Variants in C1QTNF6 observed in about 807,000 individuals in gnomAD.
The protein encoded by C1QTNF6 is C1q and TNF related 6.
In C1QTNF6, 17 loss-of-function variants were observed where a neutral mutation model predicts 20.7. The ratio of observed to expected loss-of-function variants is 0.82; its 90% CI spans 0.56 to 1.23. The LOEUF (loss-of-function observed/expected upper bound fraction) is 1.23. Ranked by LOEUF, C1QTNF6 falls within the 50% of genes most tolerant of loss-of-function variation. The probability of loss-of-function intolerance (pLI) is 0.00; values close to 1 mark genes in which losing one functional copy is unlikely to be tolerated. For missense variants in C1QTNF6, 329 were observed against 389.7 expected, an observed-to-expected ratio of 0.84 and a Z score of 1.31; for synonymous variants, 130 against 156.3, an observed-to-expected ratio of 0.83 and a Z score of 1.25.
At chr22:37,187,030 A>C (rs997651033) in intron 1 of C1QTNF6, among the ~76,000 whole-genome samples, 2 of 152,188 alleles carry the variant, frequency 1.3e-5, no homozygotes, top group Non-Finnish European at 2.9e-5. Context: ...AGTCTGGGCA[A>C]CATAGTGAGA....
At chr22:37,183,482 C>T (rs946955256) in intron 2 of C1QTNF6, among the ~76,000 whole-genome samples, 2 of 152,248 alleles carry the variant, frequency 1.3e-5, no homozygotes, top group African/African-American at 2.4e-5. Context: ...CAGCCCTGCC[C>T]GGCCCTTAGT....
At chr22:37,190,433 C>T (rs2145777123), upstream of C1QTNF6, 1 of 152,288 alleles carries the variant, frequency 6.6e-6, no homozygotes, top group Middle Eastern at 3.4e-3. Context: ...AGATAAATTC[C>T]TCTCCTCTTG....
intron 1 of C1QTNF6, chr22:37,186,069 G>A (rs1924308217): frequency 1.0e-6 from 1 of 985,432 alleles, no homozygotes. Flanking sequence ...AGATAAGAGA[G>A]TTCATTGATC....
intron 2 of C1QTNF6, among the ~76,000 whole-genome samples, chr22:37,183,791 C>G (rs142600839): frequency 7.2e-5 from 11 of 152,324 alleles, no homozygotes; most frequent in African/African-American, 2.4e-4. Flanking sequence ...AGACCTTGTG[C>G]AGGAAGTTTG....
upstream of C1QTNF6, chr22:37,188,266 AC>A: frequency 1.4e-6 from 2 of 1,426,616 alleles, no homozygotes; most frequent in Non-Finnish European, 9.3e-7. Context: ...GCTGGCCCAG[AC>A]CCCCAGGCCC....
Position 37,181,211 on chromosome 22 carries a change from A to T in C1QTNF6, c.*977T>A, listed in dbSNP as rs1221730449. ...GCTGGACTGGCCAGTCACTGAGGGC[A>T]GGGGCAGGGCCTGTGTCTGACCCCC... On this transcript the variant is annotated 3_prime_UTR_variant, in exon 3 of 3. Transcript: ENST00000337843. 6.6e-6 allele frequency: 1 copy of T among 152,600 alleles called. No homozygotes were observed. The highest frequency in any genetic ancestry group is 1.9e-4 in the East Asian group (1 of 5,202). 9.5% of individuals were successfully genotyped at this position (152,600 alleles called of 1,614,324 possible).
chr22:37,191,190 G>C (rs1294708344), upstream of C1QTNF6, among the ~76,000 whole-genome samples: 1 of 152,162 alleles, frequency 6.6e-6, no homozygotes, highest in Non-Finnish European at 1.5e-5. Flanking sequence ...GAAAGACTTA[G>C]AGCAGTCATG....
rs182047754 is a variant in C1QTNF6, at chr22:37,184,607, G to C, written c.289+611C>G. 5.6e-3 allele frequency among the ~76,000 whole-genome samples: 857 copies of C among 152,196 alleles called. 3 individuals are homozygous for C. Among genetic ancestry groups the C allele is most frequent in the Non-Finnish European group, 8.9e-3 (604 of 67,986 alleles). The stretch of plus-strand genomic sequence containing the variant: ...ATGCTCCGACCCTCGGCCCCCGCTG[G>C]TTGCTCTCCACATGACATTAGAGGG... On this transcript the variant is annotated intron_variant, in intron 2 of 2. Coordinates refer to ENST00000337843, the MANE Select transcript of C1QTNF6 (RefSeq NM_031910.4). This position sits in a 1 kb window ranked among gnomAD's most constrained non-coding sequence, Gnocchi z 4.0.
chr22:37,181,927 G>A lies in C1QTNF6; in HGVS notation c.*261C>T. On this transcript the variant is annotated 3_prime_UTR_variant, in exon 3 of 3. Coordinates refer to ENST00000337843, the MANE Select transcript of C1QTNF6 (RefSeq NM_031910.4). ...GTGATTCGCATGCATTTCCAAGTTT[G>A]AGAAGTGCTGGGCTACGAGGCTGGG... is the stretch of plus-strand genomic sequence containing the variant. 1 of 493,606 alleles carries A rather than the reference G, an allele frequency of 2.0e-6. No homozygotes were observed. The highest frequency in any genetic ancestry group is 2.9e-5 in the South Asian group (1 of 34,848). The allele number at this position is 493,606 out of a possible 1,614,324, so 30.6% of individuals were successfully genotyped here.
At chr22:37,197,315 T>C (rs923055646) in intron 1 of C1QTNF6, 1 of 152,242 alleles carries the variant, frequency 6.6e-6, no homozygotes, top group Non-Finnish European at 1.5e-5. Flanking sequence ...CCCTCCCTGC[T>C]TCTAAGGGAA....
At chr22:37,187,104 C>A (rs975143454) in intron 1 of C1QTNF6, among the ~76,000 whole-genome samples, 4 of 152,118 alleles carry the variant, frequency 2.6e-5, no homozygotes, top group Non-Finnish European at 5.9e-5. Flanking sequence ...CCCTGCCCCC[C>A]ACCCCCAGAG....
At chr22:37,190,172 C>T (rs757289821), upstream of C1QTNF6, among the ~76,000 whole-genome samples, 3 of 152,142 alleles carry the variant, frequency 2.0e-5, no homozygotes, top group Non-Finnish European at 4.4e-5. Flanking sequence ...TTTTGAAACA[C>T]CGTTTTTCTC....
chr22:37,188,099 GGGA>G lies in C1QTNF6; in HGVS notation c.51+61_51+63del. ...CCGAGATGCTTCCAGGAAGCAAGGAGGGAGGAGAGGAATTCCAGGCTCTGACCC... is the reference window on the plus strand; with the variant it reads ...CCGAGATGCTTCCAGGAAGCAAGGAGGGAGAGGAATTCCAGGCTCTGACCC... On this transcript the variant is annotated intron_variant, in intron 1 of 2. Coordinates refer to ENST00000337843, the MANE Select transcript of C1QTNF6 (RefSeq NM_031910.4). The G allele has an allele frequency of 3.9e-6, 6 of 1,524,562 alleles. No individual in the cohort carries two copies. The South Asian group carries it at 7.1e-5, about 18-fold the overall frequency. The allele number at this position is 1,524,562 out of a possible 1,614,324, so 94.4% of individuals were successfully genotyped here.
upstream of C1QTNF6, among the ~76,000 whole-genome samples, chr22:37,188,668 T>C (rs1427832978): frequency 2.6e-5 from 4 of 152,188 alleles, no homozygotes; most frequent in Non-Finnish European, 5.9e-5. Flanking sequence ...GTGTTGGCCC[T>C]CCAGGCACAG....
At chr22:37,190,492 C>T (rs781241201), upstream of C1QTNF6, 1 of 152,314 alleles carries the variant, frequency 6.6e-6, no homozygotes, top group Non-Finnish European at 1.5e-5. Flanking sequence ...AAGTTACATT[C>T]TTTACTTACC....
At position 37,182,229 on chromosome 22, in the gene C1QTNF6, T is replaced by A. The variant is rs763206447; in HGVS notation, c.796A>T (p.Ile266Phe). 1.9e-6 allele frequency: 3 copies of A among 1,613,974 alleles called. No homozygotes were observed. The highest frequency in any genetic ancestry group is 3.3e-5 in the Admixed American group (2 of 60,012). The change falls in exon 3 of 3, where the codon ATC becomes TTC. Residue 266 changes from isoleucine to phenylalanine, a missense_variant. By Grantham distance (21) the Ile-to-Phe change is conservative (BLOSUM62 0). Transcript: ENST00000337843. ...TTGATGAGGTGGCCGCTGAAGGTGA[T>A]GTAGGTGTCGAAGTCGTTGCTGTAG... is the stretch of plus-strand genomic sequence containing the variant. ...AIYSNDFDTY[I>F]TFSGHLIKAE... is the part of the protein sequence containing the mutation.
chr22:37,192,162 A>G (rs1021363269), upstream of C1QTNF6, among the ~76,000 whole-genome samples: 2 of 152,194 alleles, frequency 1.3e-5, no homozygotes, highest in Non-Finnish European at 2.9e-5. Context: ...TTAACCCTCT[A>G]AAGTAGGGGG....
chr22:37,182,838 G>A, intron 2 of C1QTNF6, 103 bp from the exon 3 acceptor site: 1 of 1,451,504 alleles, frequency 6.9e-7, no homozygotes, highest in Non-Finnish European at 9.1e-7. Flanking sequence ...CTGGCCCAGA[G>A]AAGAAGCCAG....
intron 1 of C1QTNF6, chr22:37,186,031 TGAGAACACCATAGTTCTGAAAAAAAA>T: frequency 1.0e-6 from 1 of 985,514 alleles, no homozygotes; most frequent in African/African-American, 1.7e-5. Context: ...TGCTTTGGTG[TGAGAACACCATAGTTCTGAAAAAAAA>T]GAGATAAGAG....
Sources: allele counts gnomAD v4.1 joint callset (sites outside exome capture counted in the v4.1 genomes callset), GRCh38; gene constraint gnomAD v4.1.1; non-coding constraint Gnocchi (gnomAD v3.1); transcripts MANE v1.5; gene names NCBI Gene and HGNC (gene_info 2026-07-23, HGNC 2026-07-21).